The following PIBF1 variants were observed in gnomAD, a reference collection of about 807,000 sequenced individuals.
PIBF1 encodes progesterone immunomodulatory binding factor 1, also known as progesterone-induced-blocking factor 1.
In PIBF1, 90 loss-of-function variants were observed where a neutral mutation model predicts 112.5. That is an observed-to-expected ratio of 0.80 (90% CI 0.67 to 0.95). The LOEUF is 0.95. Among genes scored for constraint, PIBF1 ranks in the 40% least tolerant of loss-of-function variants. The probability of loss-of-function intolerance (pLI) is 0.00; values close to 1 mark genes in which losing one functional copy is unlikely to be tolerated. For missense variants in PIBF1, 915 were observed against 852.3 expected (o/e 1.07, Z -0.92); for synonymous variants, 301 against 288.6 (o/e 1.04, Z -0.44).
At chr13:72,902,751 A>T (rs1016949408) in intron 11 of PIBF1, among the ~76,000 whole-genome samples, 1 of 152,198 alleles carries the variant, frequency 6.6e-6, no homozygotes, top group African/African-American at 2.4e-5. Flanking sequence ...CATGCACTGC[A>T]TGTTCTTGGG....
intron 8 of PIBF1, among the ~76,000 whole-genome samples, chr13:72,829,101 C>G (rs2036973294): frequency 6.6e-6 from 1 of 151,978 alleles, no homozygotes; most frequent in Non-Finnish European, 1.5e-5. Flanking sequence ...TGTCTATATC[C>G]TTTGCCCACT....
At chr13:72,980,284 C>T (rs537542808) in intron 16 of PIBF1, among the ~76,000 whole-genome samples, 61 of 152,236 alleles carry the variant, frequency 4.0e-4, no homozygotes, top group South Asian at 2.5e-3. Flanking sequence ...GTGACAGAAT[C>T]TTAATGAGTA....
intron 14 of PIBF1, among the ~76,000 whole-genome samples, chr13:72,941,521 A>G (rs933216557): frequency 1.3e-5 from 2 of 152,188 alleles, no homozygotes; most frequent in African/African-American, 2.4e-5. Flanking sequence ...TTTCACTTCT[A>G]ACATAACCAA....
chr13:72,999,127 G>T, intron 17 of PIBF1, 132 bp downstream of exon 17: 1 of 585,602 alleles, frequency 1.7e-6, no homozygotes, highest in Admixed American at 3.2e-5. Flanking sequence ...AGACCTTGAA[G>T]GATTTGCATT....
rs190573988 is a variant in PIBF1, at chr13:72,853,925, G to T, written c.1224-132G>T. ...TTAGATACTCAACCAAGCCAAGCAG[G>T]TTTATATAGTGTACACTTTGGGTCC... On this transcript the variant is annotated intron_variant, in intron 9 of 17. Coordinates refer to ENST00000326291, the MANE Select transcript of PIBF1 (RefSeq NM_006346.4). 1.3e-3 allele frequency: 846 copies of T among 661,222 alleles called. 5 individuals carry two copies. The highest frequency in any genetic ancestry group is 1.8e-3 in the Non-Finnish European group (695 of 379,084). The allele number at this position is 661,222 out of a possible 1,614,324, so 41.0% of individuals were successfully genotyped here. A position where few individuals can be genotyped will look rare whatever the true frequency, so the allele number is the denominator to read the frequency against.
intron 11 of PIBF1, 117 bp downstream of exon 11, chr13:72,894,066 A>C: frequency 2.2e-6 from 1 of 451,012 alleles, no homozygotes; most frequent in Non-Finnish European, 3.8e-6. Flanking sequence ...ACAAAAAAAA[A>C]AAAAAAAAAA....
intron 16 of PIBF1, among the ~76,000 whole-genome samples, chr13:72,979,300 T>G (rs2043097444): frequency 1.3e-5 from 2 of 152,234 alleles, no homozygotes; most frequent in African/African-American, 4.8e-5. Flanking sequence ...CACTCATCTT[T>G]GCCTTAACGA....
intron 16 of PIBF1, among the ~76,000 whole-genome samples, chr13:72,986,689 T>C (rs1389667734): frequency 7.0e-6 from 1 of 143,388 alleles, no homozygotes; most frequent in Non-Finnish European, 1.5e-5. Flanking sequence ...TTTTTTTTTT[T>C]TTTTTTTTTT....
chr13:72,973,654 A>T lies in PIBF1; in HGVS notation c.2028A>T (p.Glu676Asp). The stretch of plus-strand genomic sequence containing the variant: ...AGAATCAAATGGCATTAGATTTAGA[A>T]CAACTTCTAAATCATCGTGAGGTAT... ...QTKNQMALDL[E>D]QLLNHREELA... Residue 676 changes from glutamate to aspartate, a missense_variant, in exon 16 of 18, where the codon GAA becomes GAT. Coordinates refer to ENST00000326291, the MANE Select transcript of PIBF1 (RefSeq NM_006346.4). 1 of 1,571,436 alleles carries T rather than the reference A, an allele frequency of 6.4e-7. No homozygotes were observed. Among genetic ancestry groups the T allele is most frequent in the Non-Finnish European group, 8.7e-7 (1 of 1,150,802 alleles).
intron 10 of PIBF1, among the ~76,000 whole-genome samples, chr13:72,857,186 G>A (rs533218470): frequency 6.6e-6 from 1 of 152,248 alleles, no homozygotes; most frequent in South Asian, 2.1e-4. Flanking sequence ...CACTAGGGTA[G>A]CCAGCTAAGG....
chr13:72,974,051 T>C (rs1296052139), intron 16 of PIBF1: 3 of 237,126 alleles, frequency 1.3e-5, no homozygotes, highest in Non-Finnish European at 1.6e-5. Flanking sequence ...CATAAAATTA[T>C]TTTCTTTTCT....
intron 9 of PIBF1, among the ~76,000 whole-genome samples, chr13:72,844,786 C>T (rs1182390317): frequency 2.4e-5 from 3 of 126,416 alleles, no homozygotes; most frequent in Non-Finnish European, 5.2e-5. Flanking sequence ...CACACACACA[C>T]ACACACACAC....
At chr13:72,892,367 C>G (rs2040091361) in intron 10 of PIBF1, among the ~76,000 whole-genome samples, 1 of 152,068 alleles carries the variant, frequency 6.6e-6, no homozygotes, top group Non-Finnish European at 1.5e-5. Flanking sequence ...TTCCACCGAT[C>G]TGAGACTTGA....
rs571616521 is a variant in PIBF1 at position 72,949,673 on chromosome 13, A to G, written c.1834-15601A>G. Among the ~76,000 whole-genome samples, 4 of 152,296 alleles carry G rather than the reference A, an allele frequency of 2.6e-5. No homozygotes were observed. The East Asian group carries it at 7.7e-4, about 29-fold the overall frequency. ...ACCTGTAGTATGAAGTGTACCTTAC[A>G]TAGCAACCCAGTGCCCAAATATATG... On this transcript the variant is annotated intron_variant, in intron 14 of 17. Transcript: ENST00000326291.
intron 2 of PIBF1, among the ~76,000 whole-genome samples, chr13:72,789,825 G>A (rs1392063418): frequency 6.6e-6 from 1 of 151,968 alleles, no homozygotes; most frequent in African/African-American, 2.4e-5. Flanking sequence ...TCCTTTGAGT[G>A]TCATAGTGAC....
intron 17 of PIBF1, among the ~76,000 whole-genome samples, chr13:73,014,215 C>T (rs970573276): frequency 1.3e-5 from 2 of 152,102 alleles, no homozygotes; most frequent in Non-Finnish European, 1.5e-5. Context: ...CTCAAGTGAT[C>T]TGCCTGCCTT....
At chr13:72,915,521 A>C (rs537781269) in intron 12 of PIBF1, among the ~76,000 whole-genome samples, 1 of 152,314 alleles carries the variant, frequency 6.6e-6, no homozygotes, top group East Asian at 1.9e-4. Context: ...TATCTAACTT[A>C]TGGGTTTTTG....
chr13:72,910,297 TTCATTAAGAC>T (rs1177741001), intron 12 of PIBF1, among the ~76,000 whole-genome samples: 1 of 152,182 alleles, frequency 6.6e-6, no homozygotes, highest in Non-Finnish European at 1.5e-5. Context: ...TTTTATTGTC[TTCATTAAGAC>T]AATAAAGTCA....
Position 72,854,140 on chromosome 13 carries a change from A to G in PIBF1, c.1307A>G (p.Asp436Gly), listed in dbSNP as rs149187554. The change falls in exon 10 of 18, where the codon GAT becomes GGT. Residue 436 changes from aspartate to glycine, a missense_variant. Transcript: ENST00000326291. ...GAAAAGGATGCTTTAGAAAAACACG[A>G]TCAGCTCTTAGACAGGTAAGCATCA... The part of the protein sequence containing the change: ...MAEKDALEKH[D>G]QLLDRYRELQ... 6.2e-6 allele frequency: 10 copies of G among 1,604,942 alleles called. No homozygotes were observed. Among genetic ancestry groups the G allele is most frequent in the South Asian group, 3.3e-5 (3 of 90,868 alleles).
Sources: gnomAD v4.1 joint callset for allele counts (sites outside exome capture counted in the v4.1 genomes callset) on GRCh38, gnomAD v4.1.1 for gene constraint, MANE v1.5 for transcripts, NCBI Gene and HGNC (gene_info 2026-07-23, HGNC 2026-07-21) for gene names.